CAMK2D: variants seen among roughly 807,000 people sequenced by gnomAD.
The protein encoded by CAMK2D is calcium/calmodulin dependent protein kinase II delta.
CAMK2D carries 37 observed loss-of-function variants against 84.0 expected under a neutral mutation model. That is an observed-to-expected ratio of 0.44 (90% CI 0.34 to 0.58). The LOEUF (loss-of-function observed/expected upper bound fraction) is 0.58, where lower values mean the gene tolerates loss of function less well. Ranked by LOEUF, CAMK2D falls within the 20% of genes least tolerant of loss-of-function variation. CAMK2D has a pLI of 0.02. For missense variants in CAMK2D, 448 were observed against 652.5 expected (o/e 0.69, Z 3.41); for synonymous variants, 202 against 212.5 (o/e 0.95, Z 0.43).
chr4:113,759,273 C>A, intron 2 of CAMK2D, 47 bp downstream of exon 2: 1 of 1,185,508 alleles, frequency 8.4e-7, no homozygotes, highest in Non-Finnish European at 1.2e-6. Flanking sequence ...CTATAATCAA[C>A]ATGACAAATA....
intron 16 of CAMK2D, among the ~76,000 whole-genome samples, chr4:113,475,908 G>C (rs2097606625): frequency 6.6e-6 from 1 of 152,180 alleles, no homozygotes. Flanking sequence ...TATCTTCAGT[G>C]AAGTGGGAAG....
At chr4:113,678,813 A>G (rs2099328850) in intron 2 of CAMK2D, among the ~76,000 whole-genome samples, 1 of 152,132 alleles carries the variant, frequency 6.6e-6, no homozygotes, top group African/African-American at 2.4e-5. Context: ...TGAATATTTA[A>G]GTATAAAATA....
intron 1 of CAMK2D, among the ~76,000 whole-genome samples, chr4:113,760,477 G>T (rs1437870135): frequency 6.6e-6 from 1 of 152,114 alleles, no homozygotes; most frequent in African/African-American, 2.4e-5. Context: ...ACAACTACTG[G>T]ATGCGAAATA....
chr4:113,589,911 T>A (rs993897133), intron 4 of CAMK2D, among the ~76,000 whole-genome samples: 1 of 152,062 alleles, frequency 6.6e-6, no homozygotes, highest in Non-Finnish European at 1.5e-5. Context: ...GTCTGGGAGA[T>A]GAGGAAGAAC....
intron 8 of CAMK2D, 128 bp downstream of exon 8, chr4:113,531,088 T>C: frequency 1.8e-6 from 1 of 541,688 alleles, no homozygotes; most frequent in South Asian, 2.3e-5. Flanking sequence ...TGTATCAAAA[T>C]AAATAAATAA....
intron 2 of CAMK2D, among the ~76,000 whole-genome samples, chr4:113,667,211 T>C (rs12512765): frequency 0.18 from 28,090 of 152,204 alleles, 3,252 homozygotes; most frequent in East Asian, 0.39. Flanking sequence ...CATGAGTTAT[T>C]GCTGTCAGCT....
intron 4 of CAMK2D, among the ~76,000 whole-genome samples, chr4:113,569,982 T>C (rs1313514575): frequency 6.6e-6 from 1 of 151,724 alleles, no homozygotes; most frequent in Non-Finnish European, 1.5e-5. Context: ...CAGTAGTATT[T>C]CAATATACTA....
At chr4:113,739,421 T>C (rs1021200415) in intron 2 of CAMK2D, among the ~76,000 whole-genome samples, 1 of 152,010 alleles carries the variant, frequency 6.6e-6, no homozygotes, top group Non-Finnish European at 1.5e-5. Context: ...CAGCAAGTAA[T>C]ATGCAAAAAC....
intron 2 of CAMK2D, among the ~76,000 whole-genome samples, chr4:113,748,677 A>G (rs2099610264): frequency 6.6e-6 from 1 of 152,084 alleles, no homozygotes; most frequent in African/African-American, 2.4e-5. Flanking sequence ...ATTTTAAGTA[A>G]AAAAGCAGGA....
intron 3 of CAMK2D, among the ~76,000 whole-genome samples, chr4:113,613,957 A>C (rs2099011445): frequency 1.3e-5 from 2 of 152,104 alleles, no homozygotes; most frequent in Admixed American, 1.3e-4. Flanking sequence ...AAAGAGTAGG[A>C]AAATTAAACT....
intron 3 of CAMK2D, among the ~76,000 whole-genome samples, chr4:113,625,561 C>T (rs2099064190): frequency 6.6e-6 from 1 of 152,110 alleles, no homozygotes; most frequent in South Asian, 2.1e-4. Flanking sequence ...AAAGCAAATA[C>T]AAAGATCCTA....
At chr4:113,593,884 T>C (rs1337403177) in intron 4 of CAMK2D, among the ~76,000 whole-genome samples, 1 of 152,122 alleles carries the variant, frequency 6.6e-6, no homozygotes, top group Non-Finnish European at 1.5e-5. Flanking sequence ...CTTACCACTA[T>C]TATTATTGAA....
At chr4:113,563,858 C>T (rs565674231) in intron 4 of CAMK2D, among the ~76,000 whole-genome samples, 47 of 152,164 alleles carry the variant, frequency 3.1e-4, no homozygotes, top group African/African-American at 1.1e-3. Flanking sequence ...TACTTCATGT[C>T]GAGATTTATG....
intron 5 of CAMK2D, chr4:113,548,634 A>G: frequency 8.2e-7 from 1 of 1,226,046 alleles, no homozygotes; most frequent in Non-Finnish European, 1.2e-6. Flanking sequence ...TTTGATTCAG[A>G]TTTATGGACT....
At chr4:113,509,222 C>G (rs1350615501) in intron 13 of CAMK2D, among the ~76,000 whole-genome samples, 1 of 152,204 alleles carries the variant, frequency 6.6e-6, no homozygotes, top group Non-Finnish European at 1.5e-5. Flanking sequence ...TTCTATTTTC[C>G]ATACCCAAAT....
At chr4:113,758,318 T>G (rs1485464464) in intron 2 of CAMK2D, among the ~76,000 whole-genome samples, 1 of 152,018 alleles carries the variant, frequency 6.6e-6, no homozygotes, top group African/African-American at 2.4e-5. Context: ...AAACCTAAAA[T>G]GCATGTTAAA....
intron 12 of CAMK2D, among the ~76,000 whole-genome samples, chr4:113,511,243 G>A (rs1241896377): frequency 6.6e-6 from 1 of 152,142 alleles, no homozygotes; most frequent in African/African-American, 2.4e-5. Context: ...CTAAAATGCA[G>A]TATCAAGTAC....
intron 3 of CAMK2D, among the ~76,000 whole-genome samples, chr4:113,635,721 C>T (rs192979691): frequency 2.3e-4 from 35 of 152,164 alleles, no homozygotes; most frequent in African/African-American, 1.2e-4. Context: ...ATAAATATTC[C>T]CTGCTTATGC....
intron 2 of CAMK2D, among the ~76,000 whole-genome samples, chr4:113,712,729 C>T (rs901407378): frequency 4.6e-5 from 7 of 151,644 alleles, no homozygotes; most frequent in East Asian, 1.9e-4. Context: ...ATTTATCCAC[C>T]GCCATGTTTA....
Sources: allele counts gnomAD v4.1 joint callset (sites outside exome capture counted in the v4.1 genomes callset), GRCh38; gene constraint gnomAD v4.1.1; transcripts MANE v1.5; gene names NCBI Gene and HGNC (gene_info 2026-07-23, HGNC 2026-07-21).